Variants in TARDBP observed in about 807,000 individuals in gnomAD.
TARDBP encodes the protein TAR DNA-binding protein 43.
In TARDBP, 4 loss-of-function variants were observed where a neutral mutation model predicts 38.3. The ratio of observed to expected loss-of-function variants is 0.10; its 90% CI spans 0.05 to 0.24. The LOEUF (loss-of-function observed/expected upper bound fraction) is 0.24. Among genes scored for constraint, TARDBP ranks in the 10% least tolerant of loss-of-function variants. The probability of loss-of-function intolerance (pLI) is 1.00; values close to 1 mark genes in which losing one functional copy is unlikely to be tolerated. For synonymous variants in TARDBP, 184 were observed against 183.8 expected, an observed-to-expected ratio of 1.00 and a Z score of -0.01; for missense variants, 202 against 521.9, an observed-to-expected ratio of 0.39 and a Z score of 5.97.
Position 11,013,196 on chromosome 1 carries a change from C to T in TARDBP, c.-13+453C>T, listed in dbSNP as rs115174373. On this transcript the variant is annotated intron_variant, in intron 1 of 5. Transcript: ENST00000240185. ...GGGCTCGCAGAGCCCCCGGAAGCCC[C>T]AAAATGAGGAACAGAGGGAAACTTT... 5.0e-3 allele frequency among the ~76,000 whole-genome samples: 761 copies of T among 152,336 alleles called. 6 individuals carry two copies. Among genetic ancestry groups the T allele is most frequent in the African/African-American group, 0.017 (726 of 41,576 alleles).
At chr1:11,028,153 C>T (rs540590580), downstream of TARDBP, among the ~76,000 whole-genome samples, 62 of 151,700 alleles carry the variant, frequency 4.1e-4, no homozygotes, top group Non-Finnish European at 5.6e-4. Context: ...ACCTGGGAGG[C>T]GGAGGTTGCA....
chr1:11,021,887 G>A (rs900087041), intron 5 of TARDBP, among the ~76,000 whole-genome samples: 7 of 152,194 alleles, frequency 4.6e-5, no homozygotes, highest in African/African-American at 1.7e-4. Flanking sequence ...AAAGCGCTAG[G>A]ATTACAGGCA....
intron 2 of TARDBP, among the ~76,000 whole-genome samples, chr1:11,015,927 A>G (rs553627602): frequency 2.4e-4 from 31 of 131,876 alleles, no homozygotes; most frequent in Non-Finnish European, 4.4e-4. Context: ...ATTTTTATTT[A>G]TTTATTTTTA....
At chr1:11,028,696 G>GTTTT (rs1643781395), downstream of TARDBP, among the ~76,000 whole-genome samples, 1 of 104,634 alleles carries the variant, frequency 9.6e-6, no homozygotes, top group African/African-American at 4.1e-5. Context: ...TATCTTTCTG[G>GTTTT]GTTTTTTTTC....
intron 1 of TARDBP, among the ~76,000 whole-genome samples, chr1:11,013,405 G>C (rs1643453075): frequency 6.6e-6 from 1 of 151,768 alleles, no homozygotes; most frequent in Non-Finnish European, 1.5e-5. Flanking sequence ...ACTGTTTATT[G>C]TTCCCTTGCA....
downstream of TARDBP, chr1:11,027,562 T>G: frequency 1.2e-6 from 2 of 1,614,170 alleles, no homozygotes; most frequent in Non-Finnish European, 1.7e-6. Context: ...CCACCTAATA[T>G]CAGGACTTGC....
rs760003156 is a variant in TARDBP, at chr1:11,024,661, T to C, written c.*2007T>C. 1.3e-5 allele frequency: 2 copies of C among 152,744 alleles called. No individual in the cohort carries two copies. Among genetic ancestry groups the C allele is most frequent in the African/African-American group, 2.4e-5 (1 of 41,458 alleles). The allele number at this position is 152,744 out of a possible 1,614,324, so 9.5% of individuals were successfully genotyped here. ...TAAGAATTAGGGTGGGTTGTCTGTC[T>C]GGAAGTGTTAAGTGGAATGGGCTTT... On this transcript the variant is annotated 3_prime_UTR_variant, in exon 6 of 6. Coordinates refer to ENST00000240185, the MANE Select transcript of TARDBP (RefSeq NM_007375.4).
At chr1:11,028,083 G>A (rs374080686), downstream of TARDBP, among the ~76,000 whole-genome samples, 2 of 152,072 alleles carry the variant, frequency 1.3e-5, no homozygotes, top group African/African-American at 2.4e-5. Flanking sequence ...TTAGCCGGGC[G>A]TGGTGATGGG....
Position 11,022,047 on chromosome 1 carries a change from A to G in TARDBP, c.715-77A>G, listed in dbSNP as rs1643649366. 6.5e-7 allele frequency: 1 copy of G among 1,548,264 alleles called. No homozygotes were observed. Among genetic ancestry groups the G allele is most frequent in the Middle Eastern group, 1.7e-4 (1 of 5,872 alleles). ...GGCTTTAGATAAATTAATGCTTGTA[A>G]TCTAAGTTTTGTTGCTACTTTAAAT... is the stretch of plus-strand genomic sequence containing the variant. On this transcript the variant is annotated intron_variant, in intron 5 of 5. Coordinates refer to ENST00000240185, the MANE Select transcript of TARDBP (RefSeq NM_007375.4). The surrounding 1 kb of genome is among the most constrained non-coding windows in gnomAD (Gnocchi z 4.5).
Position 11,023,561 on chromosome 1 carries a change from C to T in TARDBP, c.*907C>T. ...TTTTAACTTGGCGAGATGTGTCTCT[C>T]AATCCTGTGGCTTTGGTGAGAGAGT... On this transcript the variant is annotated 3_prime_UTR_variant, in exon 6 of 6. Transcript: ENST00000240185. 2.4e-6 allele frequency: 1 copy of T among 420,256 alleles called. No individual in the cohort carries two copies. Among genetic ancestry groups the T allele is most frequent in the Non-Finnish European group, 4.2e-6 (1 of 235,950 alleles). The allele number at this position is 420,256 out of a possible 1,614,324, so 26.0% of individuals were successfully genotyped here. A position where few individuals can be genotyped will look rare whatever the true frequency, so the allele number is the denominator to read the frequency against.
intron 1 of TARDBP, among the ~76,000 whole-genome samples, chr1:11,013,259 A>C (rs1239580512): frequency 6.6e-6 from 1 of 152,232 alleles, no homozygotes; most frequent in Non-Finnish European, 1.5e-5. Context: ...GCCCATATTC[A>C]GTCTTCAGGT....
downstream of TARDBP, chr1:11,026,147 A>G (rs780035613): frequency 6.5e-6 from 1 of 153,810 alleles, no homozygotes; most frequent in Non-Finnish European, 1.5e-5. Context: ...TGCTAAAATA[A>G]ATTCTTAGCA....
chr1:11,015,101 T>C (rs1477549519), intron 2 of TARDBP, among the ~76,000 whole-genome samples: 1 of 150,184 alleles, frequency 6.7e-6, no homozygotes, highest in Non-Finnish European at 1.5e-5. Context: ...CAAGACTTCG[T>C]CTCAAAAAAA....
chr1:11,017,086 ATGGGG>A, intron 3 of TARDBP, 79 bp downstream of exon 3: 2 of 1,477,142 alleles, frequency 1.4e-6, no homozygotes, highest in Non-Finnish European at 1.9e-6. Flanking sequence ...ATAAATAGAG[ATGGGG>A]TATCACTATG....
At chr1:11,013,040 A>G (rs1643441857) in intron 1 of TARDBP, among the ~76,000 whole-genome samples, 1 of 152,320 alleles carries the variant, frequency 6.6e-6, no homozygotes, top group East Asian at 1.9e-4. Flanking sequence ...GGACGCTGCC[A>G]GCTTGGGCCT....
intron 5 of TARDBP, among the ~76,000 whole-genome samples, chr1:11,021,760 G>C (rs982757981): frequency 6.6e-6 from 1 of 152,098 alleles, no homozygotes; most frequent in Non-Finnish European, 1.5e-5. Flanking sequence ...ACTACGCCCA[G>C]CTAATGTGGC....
intron 3 of TARDBP, among the ~76,000 whole-genome samples, chr1:11,018,117 C>T (rs1303175784): frequency 6.6e-6 from 1 of 151,976 alleles, no homozygotes; most frequent in Admixed American, 6.6e-5. Flanking sequence ...CTCCTGACCT[C>T]ATGATCTGCC....
At chr1:11,030,002 C>T (rs1020530544), downstream of TARDBP, 86 of 541,200 alleles carry the variant, frequency 1.6e-4, no homozygotes, top group Middle Eastern at 3.7e-4. Flanking sequence ...CACCTAACAA[C>T]CTCTGTATAT....
rs11547736 is a variant in TARDBP, at chr1:11,016,880, C to T, written c.275C>T (p.Ser92Leu). The T allele has an allele frequency of 3.1e-6, 5 of 1,614,168 alleles. No individual in the cohort carries two copies. Among genetic ancestry groups the T allele is most frequent in the Non-Finnish European group, 4.2e-6 (5 of 1,180,040 alleles). ...AAAATGGATGAGACAGATGCTTCAT[C>T]AGCAGTGAAAGTGAAAAGAGCAGTC... The part of the protein sequence containing the change: ...KRKMDETDAS[S>L]AVKVKRAVQK... The change falls in exon 3 of 6, where the codon TCA becomes TTA. Residue 92 changes from serine to leucine, a missense_variant. By Grantham distance (145) the Ser-to-Leu change is moderately radical (BLOSUM62 -2). Around this residue, in one of 5 missense-constraint regions of TARDBP, gnomAD observed 71 missense variants for 185.4 expected, o/e 0.38. Coordinates refer to ENST00000240185, the MANE Select transcript of TARDBP (RefSeq NM_007375.4).
Sources: allele counts gnomAD v4.1 joint callset (sites outside exome capture counted in the v4.1 genomes callset), GRCh38; gene constraint gnomAD v4.1.1; regional missense constraint gnomAD v4.1.1; non-coding constraint Gnocchi (gnomAD v3.1); transcripts MANE v1.5; gene names NCBI Gene and HGNC (gene_info 2026-07-23, HGNC 2026-07-21).